SMAD6: variants seen among roughly 807,000 people sequenced by gnomAD.
SMAD6 encodes SMAD family member 6.
In SMAD6, 103 loss-of-function variants were observed where a neutral mutation model predicts 39.4. The ratio of observed to expected loss-of-function variants is 2.62; its 90% CI spans 2.23 to 3.08. SMAD6 has a LOEUF of 3.08. Among genes scored for constraint, SMAD6 ranks in the 30% most tolerant of loss-of-function variants. SMAD6 has a pLI of 0.00. For missense variants in SMAD6, 1,104 were observed against 742.9 expected, an observed-to-expected ratio of 1.49 and a Z score of -5.65; for synonymous variants, 445 against 353.3, an observed-to-expected ratio of 1.26 and a Z score of -2.91.
intron 3 of SMAD6, among the ~76,000 whole-genome samples, chr15:66,720,605 T>G (rs1567097800): frequency 6.6e-6 from 1 of 152,214 alleles, no homozygotes; most frequent in Non-Finnish European, 1.5e-5. Flanking sequence ...AGATAACCAT[T>G]CAAGTGCTTT....
At chr15:66,716,970 A>G in intron 3 of SMAD6, 4 of 1,288,366 alleles carry the variant, frequency 3.1e-6, no homozygotes, top group Non-Finnish European at 4.0e-6. Context: ...GCAAGTGAGG[A>G]GTTTGGCAAA....
rs913314879 is a variant in SMAD6, at chr15:66,703,462, C to G, written c.204C>G (p.Pro68=). 7.9e-7 allele frequency: 1 copy of G among 1,266,116 alleles called. No homozygotes were observed. The highest frequency in any genetic ancestry group is 1.6e-5 in the African/African-American group (1 of 64,024). 78.4% of individuals were successfully genotyped at this position (1,266,116 alleles called of 1,614,324 possible). The stretch of plus-strand genomic sequence containing the variant: ...TCCGCCCGGTAGCCCCGCGGCGGCC[C>G]CGGGACGCAGTGGGACAGCGAGGCG... ...SEVRPVAPRR[P]RDAVGQRGAQ... The change falls in exon 1 of 4, where the codon CCC becomes CCG. Residue 68 remains proline, a synonymous_variant. Transcript: ENST00000288840.
chr15:66,711,634 C>A (rs745495989), intron 1 of SMAD6, 34 bp from the exon 2 acceptor site: 2 of 1,578,750 alleles, frequency 1.3e-6, no homozygotes, highest in East Asian at 2.2e-5. Context: ...AGCTCCCCAA[C>A]CCTGGCAGTG....
chr15:66,751,728 T>C (rs1894009654), intron 3 of SMAD6, among the ~76,000 whole-genome samples: 1 of 152,212 alleles, frequency 6.6e-6, no homozygotes, highest in South Asian at 2.1e-4. Flanking sequence ...TCACCAGAGC[T>C]TGGATGTCTG....
Position 66,703,588 on chromosome 15 carries a change from G to A in SMAD6, c.330G>A (p.Pro110=), listed in dbSNP as rs1893030222. 1 of 1,226,992 alleles carries A rather than the reference G, an allele frequency of 8.2e-7. No homozygotes were observed. 76.0% of individuals were successfully genotyped at this position (1,226,992 alleles called of 1,614,324 possible). A position where few individuals can be genotyped will look rare whatever the true frequency, so the allele number is the denominator to read the frequency against. ...GCTCCCTGCTGGACGTGGCGGAGCCGGGAGGCCCGGGCTGGCTGCCCGAGA... is the reference window on the plus strand; with the variant it reads ...GCTCCCTGCTGGACGTGGCGGAGCCAGGAGGCCCGGGCTGGCTGCCCGAGA... ...AGSSLLDVAE[P]GGPGWLPESD... Residue 110 remains proline (P), a synonymous_variant, in exon 1 of 4, where the codon CCG becomes CCA. Coordinates refer to ENST00000288840, the MANE Select transcript of SMAD6 (RefSeq NM_005585.5).
intron 1 of SMAD6, among the ~76,000 whole-genome samples, chr15:66,710,677 TGCAAATTGTTACTTAGTTTA>T (rs1200927205): frequency 5.9e-5 from 9 of 152,228 alleles, no homozygotes; most frequent in Admixed American, 1.3e-4. Flanking sequence ...ATTTCATTCA[TGCAAATTGTTACTTAGTTTA>T]GCAAATTGTT....
At chr15:66,746,746 G>A (rs990857134) in intron 3 of SMAD6, among the ~76,000 whole-genome samples, 2 of 152,160 alleles carry the variant, frequency 1.3e-5, no homozygotes, top group Non-Finnish European at 2.9e-5. Flanking sequence ...AACTGCTCAG[G>A]TGACCAGGTA....
At chr15:66,728,049 C>T (rs1220442154) in intron 3 of SMAD6, among the ~76,000 whole-genome samples, 1 of 152,188 alleles carries the variant, frequency 6.6e-6, no homozygotes, top group Non-Finnish European at 1.5e-5. Context: ...GATGGGGTTT[C>T]TCCATGTTGG....
chr15:66,704,151 C>G (rs1477707878), intron 1 of SMAD6, 76 bp downstream of exon 1: 2 of 1,174,842 alleles, frequency 1.7e-6, no homozygotes, highest in Middle Eastern at 3.1e-4. Context: ...CTCTGTGACA[C>G]TGCGGGTCGG....
Position 66,702,626 on chromosome 15 carries a change from C to T in SMAD6, c.-633C>T, listed in dbSNP as rs966931624. 2.0e-5 allele frequency: 3 copies of T among 152,580 alleles called. No homozygotes were observed. The highest frequency in any genetic ancestry group is 2.9e-5 in the Non-Finnish European group (2 of 68,052). The allele number at this position is 152,580 out of a possible 1,614,324, so 9.5% of individuals were successfully genotyped here. A position where few individuals can be genotyped will look rare whatever the true frequency, so the allele number is the denominator to read the frequency against. ...AACTCGCTCCAAGTGCATCTAGCGCCTGGGACCTGAGACGGCGTTGGCCTT... is the reference window on the plus strand; with the variant it reads ...AACTCGCTCCAAGTGCATCTAGCGCTTGGGACCTGAGACGGCGTTGGCCTT... On this transcript the variant is annotated 5_prime_UTR_variant, in exon 1 of 4. Transcript: ENST00000288840.
Position 66,781,188 on chromosome 15 carries a change from C to T in SMAD6, c.1144C>T (p.Arg382Ter). ...NLEQRSESVR[R>*]TRSKIGFGIL... ...GGAGCAGCGCAGCGAGTCGGTGCGGCGAACGCGCAGCAAGATCGGCTTCGG... is the reference window on the plus strand; with the variant it reads ...GGAGCAGCGCAGCGAGTCGGTGCGGTGAACGCGCAGCAAGATCGGCTTCGG... The change falls in exon 4 of 4, where the codon CGA (arginine) becomes TGA (stop). Residue 382 changes from arginine (R) to a stop codon, truncating the protein, a stop_gained. Transcript: ENST00000288840. LOFTEE classifies it high-confidence loss of function. 2.5e-6 allele frequency: 4 copies of T among 1,607,720 alleles called. No individual in the cohort carries two copies. Among genetic ancestry groups the T allele is most frequent in the Non-Finnish European group, 2.5e-6 (3 of 1,179,716 alleles).
At chr15:66,750,011 G>A (rs1567107120) in intron 3 of SMAD6, among the ~76,000 whole-genome samples, 1 of 152,192 alleles carries the variant, frequency 6.6e-6, no homozygotes, top group Non-Finnish European at 1.5e-5. Context: ...GTACACATGG[G>A]AAGCACACAC....
intron 3 of SMAD6, among the ~76,000 whole-genome samples, chr15:66,719,608 T>G (rs2119260): frequency 3.2e-4 from 49 of 152,084 alleles, no homozygotes; most frequent in African/African-American, 1.2e-3. Flanking sequence ...ATCCCAGCGC[T>G]GGGCCTGGGA....
chr15:66,762,155 G>A (rs1894211343), intron 3 of SMAD6, among the ~76,000 whole-genome samples: 1 of 152,184 alleles, frequency 6.6e-6, no homozygotes, highest in South Asian at 2.1e-4. Flanking sequence ...TAAAGAACTT[G>A]GAACTGACCA....
At chr15:66,751,822 AGACCAAACCTTTGTTTTGTTGAGAAGAG>A (rs753996804) in intron 3 of SMAD6, among the ~76,000 whole-genome samples, 65 of 152,244 alleles carry the variant, frequency 4.3e-4, no homozygotes, top group Non-Finnish European at 7.3e-4. Context: ...GCGATCAGCC[AGACCAAACCTTTGTTTTGTTGAGAAGAG>A]GAAACAGTCT....
intron 3 of SMAD6, among the ~76,000 whole-genome samples, chr15:66,723,067 G>A (rs547381638): frequency 6.6e-6 from 1 of 152,174 alleles, no homozygotes; most frequent in Non-Finnish European, 1.5e-5. Context: ...AGGCCTTGGG[G>A]TGGGGAGTAG....
At chr15:66,765,734 G>T (rs1894276970) in intron 3 of SMAD6, among the ~76,000 whole-genome samples, 1 of 152,206 alleles carries the variant, frequency 6.6e-6, no homozygotes, top group Non-Finnish European at 1.5e-5. Context: ...TGCAGGTTGG[G>T]TTGGTGCTAT....
intron 3 of SMAD6, among the ~76,000 whole-genome samples, chr15:66,777,418 A>G (rs1894485565): frequency 1.3e-5 from 2 of 152,196 alleles, no homozygotes; most frequent in South Asian, 2.1e-4. Flanking sequence ...TAATTGAGGC[A>G]GGAGGGTCAC....
At chr15:66,742,225 C>G (rs1473827439) in intron 3 of SMAD6, among the ~76,000 whole-genome samples, 1 of 152,170 alleles carries the variant, frequency 6.6e-6, no homozygotes, top group Non-Finnish European at 1.5e-5. Context: ...GCCCCTCTCC[C>G]CTTTCTCAGC....
Sources: gnomAD v4.1 joint callset for allele counts (sites outside exome capture counted in the v4.1 genomes callset) on GRCh38, gnomAD v4.1.1 for gene constraint, MANE v1.5 for transcripts, NCBI Gene and HGNC (gene_info 2026-07-23, HGNC 2026-07-21) for gene names.